CD5: variants seen among roughly 807,000 people sequenced by gnomAD.
CD5 encodes CD5 molecule.
In CD5, 36 loss-of-function variants were observed where a neutral mutation model predicts 60.3. The ratio of observed to expected loss-of-function variants is 0.60; its 90% CI spans 0.46 to 0.79. CD5 has a LOEUF of 0.79. Ranked by LOEUF, CD5 falls within the 30% of genes least tolerant of loss-of-function variation. The probability of loss-of-function intolerance (pLI) is 0.00; values close to 1 mark genes in which losing one functional copy is unlikely to be tolerated. For synonymous variants in CD5, 230 were observed against 257.6 expected, an observed-to-expected ratio of 0.89 and a Z score of 1.03; for missense variants, 540 against 630.6, an observed-to-expected ratio of 0.86 and a Z score of 1.54.
chr11:61,100,356 T>A (rs1860650521), upstream of CD5, among the ~76,000 whole-genome samples: 1 of 119,768 alleles, frequency 8.3e-6, no homozygotes, highest in African/African-American at 3.4e-5. Flanking sequence ...AACATGGAGA[T>A]CACTCACACA....
intron 1 of CD5, among the ~76,000 whole-genome samples, chr11:61,106,867 G>C (rs971953665): frequency 5.3e-5 from 8 of 152,134 alleles, no homozygotes; most frequent in African/African-American, 1.9e-4. Context: ...CACCTCAAAA[G>C]ATCACTGCAA....
chr11:61,106,975 C>T (rs780645761), intron 1 of CD5, among the ~76,000 whole-genome samples: 3 of 152,092 alleles, frequency 2.0e-5, no homozygotes, highest in South Asian at 2.1e-4. Context: ...GTGAACAAAA[C>T]GGTGGAAAAT....
the CD5 span, among the ~76,000 whole-genome samples, chr11:61,097,295 G>C: frequency 3.9e-5 from 6 of 152,138 alleles, no homozygotes; most frequent in Non-Finnish European, 8.8e-5. Context: ...TGGCTCAAAA[G>C]AATCACCCTG....
chr11:61,116,761 A>C (rs1860969151), intron 2 of CD5, among the ~76,000 whole-genome samples: 1 of 122,960 alleles, frequency 8.1e-6, no homozygotes. Flanking sequence ...CACACACACC[A>C]CACACACCAC....
Position 61,116,929 on chromosome 11 carries a change from G to T in CD5, c.95-1246G>T, listed in dbSNP as rs147442754. Among the ~76,000 whole-genome samples, 8 of 150,904 alleles carry T rather than the reference G, an allele frequency of 5.3e-5. No individual in the cohort carries two copies. The East Asian group carries it at 1.6e-3, about 29-fold the overall frequency. On this transcript the variant is annotated intron_variant, in intron 2 of 10. Coordinates refer to ENST00000347785, the MANE Select transcript of CD5 (RefSeq NM_014207.4). ...ACACACATATATTTTTCCCCTCATG[G>T]AGTTTGATAAAATCACACAAGACAC...
At position 61,123,865 on chromosome 11, in the gene CD5, TTTC is replaced by T. The variant is rs1305275038; in HGVS notation, c.1226-16_1226-14del. ...CCTGCCCCCACCACTCTGATGTGCCTTTCTTGTCTCTTGCCCAGTCCGCCAGAA... is the reference window on the plus strand; with the variant it reads ...CCTGCCCCCACCACTCTGATGTGCCTTTGTCTCTTGCCCAGTCCGCCAGAA... On this transcript the variant is annotated splice_polypyrimidine_tract_variant and intron_variant, in intron 7 of 10. Coordinates refer to ENST00000347785, the MANE Select transcript of CD5 (RefSeq NM_014207.4). 12 of 1,353,372 alleles carry T rather than the reference TTTC, an allele frequency of 8.9e-6. No homozygotes were observed. Among genetic ancestry groups the T allele is most frequent in the Non-Finnish European group, 1.2e-5 (12 of 1,023,400 alleles). 83.8% of individuals were successfully genotyped at this position (1,353,372 alleles called of 1,614,324 possible).
At chr11:61,101,906 C>G (rs1860697531), upstream of CD5, among the ~76,000 whole-genome samples, 1 of 135,836 alleles carries the variant, frequency 7.4e-6, no homozygotes, top group African/African-American at 2.8e-5. Flanking sequence ...AGATCTCTCT[C>G]TCTCTACACA....
chr11:61,114,950 AG>A (rs1429866862), intron 1 of CD5, 105 bp from the exon 2 acceptor site: 20 of 1,001,572 alleles, frequency 2.0e-5, no homozygotes, highest in South Asian at 4.5e-5. Context: ...GATAGTGGAT[AG>A]GGGGAGGCAG....
At chr11:61,094,949 T>C in the CD5 span, among the ~76,000 whole-genome samples, 1 of 152,024 alleles carries the variant, frequency 6.6e-6, no homozygotes, top group Non-Finnish European at 1.5e-5. Context: ...AGTTCTCACA[T>C]ATAGATTCTT....
chr11:61,102,745 G>A (rs1590764469), intron 1 of CD5, 130 bp downstream of exon 1: 2 of 815,596 alleles, frequency 2.5e-6, no homozygotes, highest in East Asian at 2.7e-5. Flanking sequence ...GGAGATTTGG[G>A]GCCACTGGGA....
intron 1 of CD5, among the ~76,000 whole-genome samples, chr11:61,103,256 C>A (rs572940437): frequency 1.3e-5 from 2 of 152,370 alleles, no homozygotes; most frequent in Admixed American, 6.5e-5. Context: ...GTAAGCCCAA[C>A]CCTGTGTGAC....
chr11:61,121,977 T>C (rs542418601), intron 6 of CD5, 73 bp downstream of exon 6: 86 of 1,336,730 alleles, frequency 6.4e-5, no homozygotes, highest in Non-Finnish European at 8.6e-5. Context: ...AGGGTGCATG[T>C]CTCTAAAGGG....
Position 61,119,575 on chromosome 11 carries a change from G to C in CD5, c.805G>C (p.Gly269Arg). Residue 269 changes from glycine (G) to arginine (R), a missense_variant and splice_region_variant, in exon 5 of 11, where the codon GGT (glycine) becomes CGT (arginine). Physicochemically the swap from Gly to Arg is moderately radical, Grantham distance 125 (BLOSUM62 -2). Transcript: ENST00000347785. ...CCGAGTTCTTGCCCTCCTTTGCTCA[G>C]GTAAGTGAGACCTGGCCAAGCCCCA... Reference protein sequence around the residue: ...SGRVLALLCSGFQPKVQSRLV... With the variant: ...SGRVLALLCSRFQPKVQSRLV... 1.2e-6 allele frequency: 2 copies of C among 1,603,196 alleles called. No individual in the cohort carries two copies. Among genetic ancestry groups the C allele is most frequent in the Non-Finnish European group, 1.7e-6 (2 of 1,176,170 alleles).
At chr11:61,109,202 G>GT (rs1456207682) in intron 1 of CD5, among the ~76,000 whole-genome samples, 1 of 152,250 alleles carries the variant, frequency 6.6e-6, no homozygotes, top group Non-Finnish European at 1.5e-5. Flanking sequence ...AAAAACATTT[G>GT]TAAGTTTCTG....
chr11:61,101,784 C>G (rs1860694927), upstream of CD5, among the ~76,000 whole-genome samples: 1 of 151,696 alleles, frequency 6.6e-6, no homozygotes. Flanking sequence ...ACACACACAT[C>G]AACATGGAGA....
intron 1 of CD5, among the ~76,000 whole-genome samples, chr11:61,114,071 A>C (rs1860899263): frequency 6.6e-6 from 1 of 152,186 alleles, no homozygotes; most frequent in Non-Finnish European, 1.5e-5. Context: ...AACACACAAA[A>C]AGTGATCAGT....
At chr11:61,123,965 C>T (rs1329762075) in intron 8 of CD5, 28 bp downstream of exon 8, 1 of 1,587,226 alleles carries the variant, frequency 6.3e-7, no homozygotes, top group Non-Finnish European at 8.6e-7. Flanking sequence ...CAGGAGCCTC[C>T]CTCAGGCCCT....
the CD5 span, among the ~76,000 whole-genome samples, chr11:61,095,010 G>T: frequency 6.6e-6 from 1 of 152,190 alleles, no homozygotes; most frequent in African/African-American, 2.4e-5. Flanking sequence ...ACAGGCAGCA[G>T]CAGTACTAGT....
chr11:61,119,020 A>G (rs895774225), intron 4 of CD5, 43 bp downstream of exon 4: 11 of 1,510,604 alleles, frequency 7.3e-6, no homozygotes, highest in Admixed American at 3.9e-5. Flanking sequence ...AGAGCTAGCA[A>G]ATAAAAACCC....
Sources: gnomAD v4.1 joint callset for allele counts (sites outside exome capture counted in the v4.1 genomes callset) on GRCh38, gnomAD v4.1.1 for gene constraint, MANE v1.5 for transcripts, NCBI Gene and HGNC (gene_info 2026-07-23, HGNC 2026-07-21) for gene names.